GTPBP10: variants seen among roughly 807,000 people sequenced by gnomAD.
The protein encoded by GTPBP10 is GTP binding protein 10.
Under a neutral mutation model 44.8 loss-of-function variants are expected in GTPBP10, and 38 were observed. The ratio of observed to expected loss-of-function variants is 0.85; its 90% CI spans 0.65 to 1.11. The LOEUF (loss-of-function observed/expected upper bound fraction) is 1.11, where lower values mean the gene tolerates loss of function less well. GTPBP10 is among the 50% of genes most tolerant of loss of function. The probability of loss-of-function intolerance (pLI) is 0.00; values close to 1 mark genes in which losing one functional copy is unlikely to be tolerated. For synonymous variants in GTPBP10, 152 were observed against 150.6 expected (o/e 1.01, Z -0.07); for missense variants, 462 against 453.7 (o/e 1.02, Z -0.17).
At chr7:90,373,613 G>A (rs17869455) in intron 5 of GTPBP10, among the ~76,000 whole-genome samples, 2,376 of 152,254 alleles carry the variant, frequency 0.016, 58 homozygotes, top group African/African-American at 0.053. Context: ...AGAGGCTAGC[G>A]TAGGATTGAT....
intron 4 of GTPBP10, among the ~76,000 whole-genome samples, chr7:90,355,672 A>G (rs1472146101): frequency 1.3e-5 from 2 of 151,452 alleles, no homozygotes; most frequent in African/African-American, 4.9e-5. Flanking sequence ...AAATGGCTAA[A>G]GACCAGTACA....
intron 1 of GTPBP10, among the ~76,000 whole-genome samples, chr7:90,352,410 T>G (rs1258689596): frequency 1.3e-5 from 2 of 152,248 alleles, no homozygotes; most frequent in African/African-American, 4.8e-5. Context: ...AAATACACAT[T>G]CTGCTCACAT....
Position 90,355,146 on chromosome 7 carries a change from T to A in GTPBP10, c.380T>A (p.Leu127Ter). 1 of 1,605,546 alleles carries A rather than the reference T, an allele frequency of 6.2e-7. No individual in the cohort carries two copies. The highest frequency in any genetic ancestry group is 8.5e-7 in the Non-Finnish European group (1 of 1,173,678). ...GCTCAAGGAGGTCTTGGTGGTAAAT[T>A]ACTTACAAATTTCTTACCATTGAAA... Reference protein sequence around the residue: ...LVAQGGLGGKLLTNFLPLKGQ... With the variant: ...LVAQGGLGGK Residue 127 changes from leucine to a stop codon, truncating the protein, a stop_gained, in exon 4 of 10, where the codon TTA becomes TAA. Transcript: ENST00000222511. LOFTEE classifies it high-confidence loss of function.
At chr7:90,357,358 A>G (rs1278302140) in intron 4 of GTPBP10, among the ~76,000 whole-genome samples, 1 of 152,210 alleles carries the variant, frequency 6.6e-6, no homozygotes, top group African/African-American at 2.4e-5. Context: ...ATGGATAAAA[A>G]CAGCTGCAAT....
At chr7:90,368,409 C>T (rs1254978079) in intron 4 of GTPBP10, among the ~76,000 whole-genome samples, 1 of 152,218 alleles carries the variant, frequency 6.6e-6, no homozygotes, top group Non-Finnish European at 1.5e-5. Flanking sequence ...CAGTCACTTT[C>T]AGGTACAGTA....
chr7:90,357,322 ACAAG>A (rs1795923277), intron 4 of GTPBP10, among the ~76,000 whole-genome samples: 2 of 152,288 alleles, frequency 1.3e-5, no homozygotes, highest in Non-Finnish European at 2.9e-5. Context: ...GATGTTGGAA[ACAAG>A]CAAGTCCAGC....
intron 1 of GTPBP10, among the ~76,000 whole-genome samples, chr7:90,347,186 G>A (rs998954240): frequency 2.6e-5 from 4 of 152,156 alleles, no homozygotes; most frequent in Admixed American, 2.6e-4. Context: ...TGTAATTGAT[G>A]TGCCTTCCTG....
rs987690074 is a variant in GTPBP10, at chr7:90,383,059, G to A, written c.881G>A (p.Ser294Asn). The A allele has an allele frequency of 1.3e-6, 2 of 1,577,056 alleles. No homozygotes were observed. Among genetic ancestry groups the A allele is most frequent in the African/African-American group, 1.3e-5 (1 of 74,346 alleles). ...CAAGATAAGTTCCATGAATTGATGAGCCAGCTCCAGAATCCTAAAGGTAAA... is the reference window on the plus strand; with the variant it reads ...CAAGATAAGTTCCATGAATTGATGAACCAGCTCCAGAATCCTAAAGGTAAA... ...DAQDKFHELMSQLQNPKDFLH... is the reference protein window; with the variant it reads ...DAQDKFHELMNQLQNPKDFLH... Residue 294 changes from serine (S) to asparagine (N), a missense_variant, in exon 9 of 10, where the codon AGC becomes AAC. By Grantham distance (46) the Ser-to-Asn change is conservative (BLOSUM62 1). Transcript: ENST00000222511.
chr7:90,366,036 C>G (rs10246866), intron 4 of GTPBP10, among the ~76,000 whole-genome samples: 1 of 152,062 alleles, frequency 6.6e-6, no homozygotes, highest in Non-Finnish European at 1.5e-5. Context: ...TGGTTTTTGT[C>G]GTTGCTTCTG....
At position 90,387,332 on chromosome 7, in the gene GTPBP10, C is replaced by G. The variant is rs1183758493; in HGVS notation, c.*2178C>G. 7.8e-5 allele frequency: 1 copy of G among 12,830 alleles called. No homozygotes were observed. Among genetic ancestry groups the G allele is most frequent in the Non-Finnish European group, 1.5e-4 (1 of 6,786 alleles). 0.8% of individuals were successfully genotyped at this position (12,830 alleles called of 1,614,324 possible). On this transcript the variant is annotated 3_prime_UTR_variant, in exon 10 of 10. Coordinates refer to ENST00000222511, the MANE Select transcript of GTPBP10 (RefSeq NM_033107.4). The stretch of plus-strand genomic sequence containing the variant: ...GCCTGGAGGACAAGAGGGAGACTTC[C>G]TCTCAAAAAACAAAATATTGTACTT...
chr7:90,380,172 A>G (rs2115761338), intron 8 of GTPBP10, among the ~76,000 whole-genome samples: 1 of 143,454 alleles, frequency 7.0e-6, no homozygotes, highest in East Asian at 2.1e-4. Context: ...CCCACCTCCC[A>G]AGTTCAAGTG....
At chr7:90,369,345 C>T (rs1002316247) in intron 4 of GTPBP10, among the ~76,000 whole-genome samples, 2 of 152,142 alleles carry the variant, frequency 1.3e-5, no homozygotes, top group African/African-American at 2.4e-5. Flanking sequence ...CAGACAGGGA[C>T]GTTAAGGTCT....
At chr7:90,383,855 A>AT (rs1796474892) in intron 9 of GTPBP10, 1 of 152,212 alleles carries the variant, frequency 6.6e-6, no homozygotes, top group African/African-American at 2.4e-5. Flanking sequence ...TGGAAAATAG[A>AT]TTATAGGTAC....
At chr7:90,377,008 G>A (rs1311754250) in intron 6 of GTPBP10, among the ~76,000 whole-genome samples, 1 of 152,198 alleles carries the variant, frequency 6.6e-6, no homozygotes, top group African/African-American at 2.4e-5. Flanking sequence ...AGGATCACTT[G>A]AGGATAGGAG....
chr7:90,372,171 A>G lies in GTPBP10; in HGVS notation c.481A>G (p.Lys161Glu). ...VGLVGFPNAG[K>E]SSLLSCVSHA... ...TTGTTTCAGATTCCCAAATGCTGGA[A>G]AATCCTCTTTGCTAAGTTGTGTTTC... is the stretch of plus-strand genomic sequence containing the variant. Residue 161 changes from lysine to glutamate, a missense_variant, in exon 5 of 10, where the codon AAA (lysine) becomes GAA (glutamate). By Grantham distance (56) the Lys-to-Glu change is moderately conservative. Coordinates refer to ENST00000222511, the MANE Select transcript of GTPBP10 (RefSeq NM_033107.4). 1.2e-6 allele frequency: 2 copies of G among 1,604,378 alleles called. No homozygotes were observed. Among genetic ancestry groups the G allele is most frequent in the Non-Finnish European group, 1.7e-6 (2 of 1,174,006 alleles).
chr7:90,379,604 A>G (rs1269560008), intron 8 of GTPBP10, among the ~76,000 whole-genome samples: 1 of 152,228 alleles, frequency 6.6e-6, no homozygotes, highest in East Asian at 1.9e-4. Flanking sequence ...CTTTTTGTCT[A>G]TAATGAATAA....
At chr7:90,359,645 G>A (rs887228220) in intron 4 of GTPBP10, among the ~76,000 whole-genome samples, 4 of 152,162 alleles carry the variant, frequency 2.6e-5, no homozygotes, top group African/African-American at 9.7e-5. Context: ...ATAATCGTTC[G>A]GGTATGTACC....
rs1395236240 is a variant in GTPBP10 at position 90,391,263 on chromosome 7, C to T, written c.*6109C>T. 1 of 140,088 alleles carries T rather than the reference C, an allele frequency of 7.1e-6. No homozygotes were observed. The highest frequency in any genetic ancestry group is 1.6e-5 in the Non-Finnish European group (1 of 63,916). The allele number at this position is 140,088 out of a possible 1,614,324, so 8.7% of individuals were successfully genotyped here. On this transcript the variant is annotated 3_prime_UTR_variant, in exon 10 of 10. Coordinates refer to ENST00000222511, the MANE Select transcript of GTPBP10 (RefSeq NM_033107.4). ...ACTTTTCCATTTAATATTTTTGGACCACAGTTGACTGAAACTGAGGATGGG... is the reference window on the plus strand; with the variant it reads ...ACTTTTCCATTTAATATTTTTGGACTACAGTTGACTGAAACTGAGGATGGG...
intron 8 of GTPBP10, 104 bp downstream of exon 8, chr7:90,378,315 G>C: frequency 7.6e-7 from 1 of 1,320,044 alleles, no homozygotes; most frequent in Non-Finnish European, 1.0e-6. Context: ...CACCTTTAAA[G>C]CTTTGATGTC....
Sources: gnomAD v4.1 joint callset for allele counts (sites outside exome capture counted in the v4.1 genomes callset) on GRCh38, gnomAD v4.1.1 for gene constraint, MANE v1.5 for transcripts, NCBI Gene and HGNC (gene_info 2026-07-23, HGNC 2026-07-21) for gene names.